The following CAB39L variants were observed in gnomAD, a reference collection of about 807,000 sequenced individuals.
CAB39L encodes calcium-binding protein 39-like.
CAB39L carries 23 observed loss-of-function variants against 39.1 expected under a neutral mutation model. The ratio of observed to expected loss-of-function variants is 0.59; its 90% CI spans 0.42 to 0.83. The LOEUF (loss-of-function observed/expected upper bound fraction) is 0.83. CAB39L is among the 40% of genes least tolerant of loss of function. The pLI is 0.00. For missense variants in CAB39L, 366 were observed against 391.9 expected, an observed-to-expected ratio of 0.93 and a Z score of 0.56; for synonymous variants, 126 against 137.2, an observed-to-expected ratio of 0.92 and a Z score of 0.57.
intron 3 of CAB39L, among the ~76,000 whole-genome samples, chr13:49,388,217 G>A (rs1210885069): frequency 6.6e-6 from 1 of 152,176 alleles, no homozygotes; most frequent in African/African-American, 2.4e-5. Context: ...ATGGAGGGGG[G>A]AGGATAGGAA....
At chr13:49,353,207 T>G (rs563084314) in intron 6 of CAB39L, among the ~76,000 whole-genome samples, 1 of 152,320 alleles carries the variant, frequency 6.6e-6, no homozygotes, top group East Asian at 1.9e-4. Context: ...CAATTTCTCT[T>G]ATTAGAAAAA....
Position 49,329,543 on chromosome 13 carries a change from AAATATATATATATATATATAT to A in CAB39L, c.834+2383_834+2403del, listed in dbSNP as rs1430342396. ...TACATATCTCTTCAATTAAAAAAAA[AAATATATATATATATATATAT>A]ATATATATATATATATATATATATA... On this transcript the variant is annotated intron_variant, in intron 10 of 10. Transcript: ENST00000409308. Among the ~76,000 whole-genome samples, 161 of 33,422 alleles carry A rather than the reference AAATATATATATATATATATAT, an allele frequency of 4.8e-3. 16 individuals carry two copies. The highest frequency in any genetic ancestry group is 7.8e-3 in the African/African-American group (42 of 5,414). 21.9% of individuals were successfully genotyped at this position (33,422 alleles called of 152,430 possible). A position where few individuals can be genotyped will look rare whatever the true frequency, so the allele number is the denominator to read the frequency against.
At chr13:49,383,706 A>G (rs1240111763) in intron 3 of CAB39L, among the ~76,000 whole-genome samples, 1 of 152,244 alleles carries the variant, frequency 6.6e-6, no homozygotes, top group East Asian at 1.9e-4. Flanking sequence ...TTAAGTGTGC[A>G]ATAGTATTAT....
chr13:49,354,181 A>C (rs1188164174), intron 6 of CAB39L, among the ~76,000 whole-genome samples: 3 of 152,218 alleles, frequency 2.0e-5, no homozygotes, highest in Admixed American at 2.0e-4. Flanking sequence ...CTTGAGAATC[A>C]AAAGAATGTT....
At chr13:49,413,844 T>C (rs1167716257) in intron 3 of CAB39L, 1 of 152,214 alleles carries the variant, frequency 6.6e-6, no homozygotes, top group Non-Finnish European at 1.5e-5. Flanking sequence ...TCTCCAGAGT[T>C]CCTATTCCTT....
intron 5 of CAB39L, among the ~76,000 whole-genome samples, chr13:49,365,029 G>A (rs922791243): frequency 1.8e-4 from 27 of 151,982 alleles, no homozygotes; most frequent in Admixed American, 1.4e-3. Flanking sequence ...GAAATCACAT[G>A]ACTTGACTTT....
At chr13:49,311,075 C>T in intron 10 of CAB39L, 82 bp from the exon 11 acceptor site, 1 of 1,262,450 alleles carries the variant, frequency 7.9e-7, no homozygotes. Flanking sequence ...AGGGACCTCA[C>T]CCACACTACT....
intron 4 of CAB39L, among the ~76,000 whole-genome samples, chr13:49,378,225 A>C (rs1469112400): frequency 1.1e-5 from 1 of 89,326 alleles, no homozygotes; most frequent in Non-Finnish European, 2.3e-5. Context: ...AGTGAGGAGC[A>C]TCTCCGACCG....
At chr13:49,353,743 T>C (rs1955417757) in intron 6 of CAB39L, among the ~76,000 whole-genome samples, 1 of 152,100 alleles carries the variant, frequency 6.6e-6, no homozygotes, top group African/African-American at 2.4e-5. Context: ...TATAGGTCTA[T>C]TTTCTTCATT....
At chr13:49,401,992 T>C (rs527895341) in intron 3 of CAB39L, among the ~76,000 whole-genome samples, 87 of 152,292 alleles carry the variant, frequency 5.7e-4, no homozygotes, top group African/African-American at 2.1e-3. Context: ...GAAAAAAATG[T>C]ATTTCTTAAT....
chr13:49,368,369 A>T (rs939925135), intron 5 of CAB39L, among the ~76,000 whole-genome samples: 1 of 152,244 alleles, frequency 6.6e-6, no homozygotes, highest in Non-Finnish European at 1.5e-5. Context: ...ATTACAGAAC[A>T]CTGAAACAGG....
In CAB39L at chr13:49,377,127, G is replaced by A; in HGVS notation, c.116C>T (p.Ser39Leu). The A allele has an allele frequency of 6.2e-7, 1 of 1,612,618 alleles. No homozygotes were observed. Among genetic ancestry groups the A allele is most frequent in the Non-Finnish European group, 8.5e-7 (1 of 1,179,074 alleles). ...EKQDKKTDKA[S>L]EEVSKSLQAM... ...TTGCAGTGATTTAGACACTTCTTCTGAAGCCTAGTGACCAAAACGTATGCT... is the reference window on the plus strand; with the variant it reads ...TTGCAGTGATTTAGACACTTCTTCTAAAGCCTAGTGACCAAAACGTATGCT... Residue 39 changes from serine to leucine, a missense_variant, in exon 5 of 11, where the codon TCA (serine) becomes TTA (leucine). Coordinates refer to ENST00000409308, the MANE Select transcript of CAB39L (RefSeq NM_001079670.3).
intron 1 of CAB39L, among the ~76,000 whole-genome samples, chr13:49,440,982 T>A (rs1263028100): frequency 6.6e-6 from 1 of 151,988 alleles, no homozygotes; most frequent in Non-Finnish European, 1.5e-5. Flanking sequence ...ATGCCTTTTG[T>A]TTCTCTTGCC....
rs1209355668 is a variant in CAB39L, at chr13:49,371,041, G to C, written c.276+5926C>G. Among the ~76,000 whole-genome samples, 3 of 152,158 alleles carry C rather than the reference G, an allele frequency of 2.0e-5. No individual in the cohort carries two copies. In the East Asian group the frequency reaches 5.8e-4, roughly 29 times the overall value. On this transcript the variant is annotated intron_variant, in intron 5 of 10. Coordinates refer to ENST00000409308, the MANE Select transcript of CAB39L (RefSeq NM_001079670.3). Reference sequence around the variant, plus strand: ...CCAAACATAATTAAATAAAATCAATGGCTGACACGCATAGTAAGCATTTCA... The same window carrying C: ...CCAAACATAATTAAATAAAATCAATCGCTGACACGCATAGTAAGCATTTCA...
chr13:49,377,748 A>C (rs1465411538), intron 4 of CAB39L, among the ~76,000 whole-genome samples: 48 of 78,846 alleles, frequency 6.1e-4, no homozygotes, highest in African/African-American at 1.7e-3. Context: ...ACTACAACCT[A>C]CACCTCCCAG....
intron 3 of CAB39L, among the ~76,000 whole-genome samples, chr13:49,431,347 C>A (rs1331584287): frequency 6.6e-6 from 1 of 152,094 alleles, no homozygotes. Context: ...TATAGATATA[C>A]CACAATTTTG....
At chr13:49,421,383 G>C (rs868119427) in intron 3 of CAB39L, among the ~76,000 whole-genome samples, 20 of 152,172 alleles carry the variant, frequency 1.3e-4, no homozygotes, top group African/African-American at 4.8e-4. Context: ...CTGGCTGTAA[G>C]AGGAGGCACC....
At chr13:49,396,056 C>A (rs1211876891) in intron 3 of CAB39L, among the ~76,000 whole-genome samples, 1 of 144,788 alleles carries the variant, frequency 6.9e-6, no homozygotes, top group Non-Finnish European at 1.5e-5. Flanking sequence ...CATGTTTGTG[C>A]CACTGCACTC....
At chr13:49,377,232 CTGTT>C (rs1329372452) in intron 4 of CAB39L, 101 bp from the exon 5 acceptor site, 2 of 917,614 alleles carry the variant, frequency 2.2e-6, no homozygotes, top group African/African-American at 1.7e-5. Context: ...GTCTTGGGCT[CTGTT>C]TATTTATAAT....
Sources: gnomAD v4.1 joint callset for allele counts (sites outside exome capture counted in the v4.1 genomes callset) on GRCh38, gnomAD v4.1.1 for gene constraint, MANE v1.5 for transcripts, NCBI Gene and HGNC (gene_info 2026-07-23, HGNC 2026-07-21) for gene names.